Variants in KIT observed in about 807,000 individuals in gnomAD.
KIT encodes the protein KIT proto-oncogene, receptor tyrosine kinase.
A neutral mutation model predicts 105.7 loss-of-function variants in KIT; 16 were observed. That is an observed-to-expected ratio of 0.15 (90% CI 0.10 to 0.23). The LOEUF is 0.23. KIT is among the 10% of genes least tolerant of loss of function. The probability of loss-of-function intolerance (pLI) is 1.00; values close to 1 mark genes in which losing one functional copy is unlikely to be tolerated. For synonymous variants in KIT, 438 were observed against 441.1 expected (o/e 0.99, Z 0.09); for missense variants, 858 against 1,213.8 (o/e 0.71, Z 4.36).
At chr4:54,722,700 A>G (rs1244806780) in intron 7 of KIT, among the ~76,000 whole-genome samples, 1 of 151,884 alleles carries the variant, frequency 6.6e-6, no homozygotes, top group Non-Finnish European at 1.5e-5. Context: ...CACTTTGTAA[A>G]TAACTTCAAA....
At chr4:54,692,886 G>A (rs1440730716) in intron 1 of KIT, among the ~76,000 whole-genome samples, 1 of 152,100 alleles carries the variant, frequency 6.6e-6, no homozygotes, top group African/African-American at 2.4e-5. Flanking sequence ...ACATAATGGG[G>A]CTACAGTTGA....
chr4:54,737,770 A>G (rs1344185600), intron 20 of KIT, among the ~76,000 whole-genome samples: 1 of 152,214 alleles, frequency 6.6e-6, no homozygotes, highest in East Asian at 1.9e-4. Context: ...TATAGAATGA[A>G]GAGCTGTTTG....
chr4:54,659,655 T>C (rs1717098553), intron 1 of KIT, among the ~76,000 whole-genome samples: 1 of 151,780 alleles, frequency 6.6e-6, no homozygotes, highest in African/African-American at 2.4e-5. Flanking sequence ...CACGAGGGAG[T>C]GTTCGGATTC....
At position 54,709,425 on chromosome 4, in the gene KIT, T is replaced by C; in HGVS notation, c.1117T>C (p.Tyr373His). Residue 373 changes from tyrosine to histidine, a missense_variant and splice_region_variant, in exon 7 of 21, where the codon TAC (tyrosine) becomes CAC (histidine). Coordinates refer to ENST00000288135, the MANE Select transcript of KIT (RefSeq NM_000222.3). The part of the protein sequence containing the change: ...PKSENESNIR[Y>H]VSELHLTRLK... ...TGACTAGTTGTCTTTTCTTTGTAGA[T>C]ACGTAAGTGAACTTCATCTAACGAG... The C allele has an allele frequency of 6.3e-7, 1 of 1,593,120 alleles. No individual in the cohort carries two copies. The highest frequency in any genetic ancestry group is 8.6e-7 in the Non-Finnish European group (1 of 1,160,834).
intron 1 of KIT, among the ~76,000 whole-genome samples, chr4:54,669,326 A>T (rs1477992149): frequency 6.6e-6 from 1 of 151,924 alleles, no homozygotes; most frequent in Non-Finnish European, 1.5e-5. Context: ...AAGGGATATT[A>T]TTTAACATGA....
intron 7 of KIT, among the ~76,000 whole-genome samples, chr4:54,711,948 A>G (rs1031946368): frequency 2.0e-5 from 3 of 151,256 alleles, no homozygotes; most frequent in African/African-American, 7.3e-5. Context: ...AAAAAAAAAG[A>G]TAATAGTATA....
chr4:54,724,076 A>G (rs946515377), intron 8 of KIT, among the ~76,000 whole-genome samples: 1 of 152,198 alleles, frequency 6.6e-6, no homozygotes, highest in Non-Finnish European at 1.5e-5. Flanking sequence ...CTCAGTAGTT[A>G]ATTGCCAAGT....
chr4:54,716,044 A>G (rs2109737781), intron 7 of KIT, among the ~76,000 whole-genome samples: 1 of 152,336 alleles, frequency 6.6e-6, no homozygotes, highest in African/African-American at 2.4e-5. Context: ...TTAAAAAAAT[A>G]GTAGGACCTT....
intron 11 of KIT, 100 bp downstream of exon 11, chr4:54,727,642 A>G: frequency 6.6e-7 from 1 of 1,515,332 alleles, no homozygotes; most frequent in Non-Finnish European, 9.1e-7. Flanking sequence ...TCCACCTGAA[A>G]CAATGAGTTT....
At chr4:54,715,174 A>G (rs1721400775) in intron 7 of KIT, among the ~76,000 whole-genome samples, 1 of 152,196 alleles carries the variant, frequency 6.6e-6, no homozygotes, top group Non-Finnish European at 1.5e-5. Flanking sequence ...TCTCGATGAG[A>G]AAGATCCCCT....
chr4:54,731,096 T>C (rs1408293203), intron 14 of KIT, among the ~76,000 whole-genome samples: 4 of 152,144 alleles, frequency 2.6e-5, no homozygotes, highest in Non-Finnish European at 5.9e-5. Flanking sequence ...CTCTATATGA[T>C]TATACACAAA....
chr4:54,665,204 G>A (rs1053076972), intron 1 of KIT, among the ~76,000 whole-genome samples: 14 of 152,108 alleles, frequency 9.2e-5, no homozygotes, highest in Admixed American at 2.6e-4. Context: ...CCCTATTGTA[G>A]TATAAGTCAG....
At chr4:54,737,135 G>A (rs371601025) in intron 19 of KIT, 40 bp from the exon 20 acceptor site, 2 of 1,310,158 alleles carry the variant, frequency 1.5e-6, no homozygotes, top group Non-Finnish European at 2.2e-6. Flanking sequence ...AACAAGCTGA[G>A]GGCATTGAGG....
chr4:54,702,397 A>G (rs1409723381), intron 4 of KIT, among the ~76,000 whole-genome samples: 1 of 152,144 alleles, frequency 6.6e-6, no homozygotes, highest in Non-Finnish European at 1.5e-5. Flanking sequence ...TTTTAAATAT[A>G]AGTCTTCAAA....
chr4:54,682,488 G>T (rs567189194), intron 1 of KIT, among the ~76,000 whole-genome samples: 1 of 151,788 alleles, frequency 6.6e-6, no homozygotes, highest in Non-Finnish European at 1.5e-5. Context: ...GAGTGAAGTG[G>T]CACAGTCTTG....
intron 4 of KIT, among the ~76,000 whole-genome samples, chr4:54,700,212 G>T (rs1221587183): frequency 6.6e-6 from 1 of 152,060 alleles, no homozygotes; most frequent in Admixed American, 6.5e-5. Context: ...CCCTTCCCTC[G>T]CCCACAAATT....
intron 1 of KIT, 119 bp from the exon 2 acceptor site, chr4:54,695,393 G>A: frequency 9.9e-7 from 1 of 1,007,410 alleles, no homozygotes; most frequent in Non-Finnish European, 1.5e-6. Context: ...AAATAGCAGG[G>A]CAGCTTTGTC....
intron 1 of KIT, among the ~76,000 whole-genome samples, chr4:54,673,734 T>C (rs541283946): frequency 2.0e-5 from 3 of 152,356 alleles, no homozygotes; most frequent in Admixed American, 6.5e-5. Context: ...TTTCTGTTGT[T>C]AACCGAGTTT....
chr4:54,733,029 A>G (rs776254360), intron 16 of KIT, 41 bp from the exon 17 acceptor site: 2 of 1,583,990 alleles, frequency 1.3e-6, no homozygotes, highest in Non-Finnish European at 8.7e-7. Flanking sequence ...TACAAGTTAA[A>G]ATGAATTTAA....
Sources: gnomAD v4.1 joint callset for allele counts (sites outside exome capture counted in the v4.1 genomes callset) on GRCh38, gnomAD v4.1.1 for gene constraint, MANE v1.5 for transcripts, NCBI Gene and HGNC (gene_info 2026-07-23, HGNC 2026-07-21) for gene names.